CLEC2B: variants seen among roughly 807,000 people sequenced by gnomAD.
CLEC2B encodes C-type (calcium dependent, carbohydrate-recognition domain) lectin, superfamily member 2 (activation-induced).
CLEC2B carries 14 observed loss-of-function variants against 16.2 expected under a neutral mutation model. The observed-to-expected ratio is 0.86, with a 90% CI of 0.57 to 1.35. The LOEUF (loss-of-function observed/expected upper bound fraction) is 1.35. CLEC2B is among the 40% of genes most tolerant of loss of function. The pLI, the probability that CLEC2B is intolerant of heterozygous loss-of-function variation, is 0.00. For missense variants in CLEC2B, 166 were observed against 182.3 expected, an observed-to-expected ratio of 0.91 and a Z score of 0.52; for synonymous variants, 42 against 55.8, an observed-to-expected ratio of 0.75 and a Z score of 1.10.
chr12:9,861,818 T>G (rs1355597535), intron 2 of CLEC2B, among the ~76,000 whole-genome samples: 1 of 152,116 alleles, frequency 6.6e-6, no homozygotes, highest in African/African-American at 2.4e-5. Flanking sequence ...TGAACAATAT[T>G]TTGTGACATA....
At chr12:9,867,694 CT>C (rs1867982322) in intron 1 of CLEC2B, among the ~76,000 whole-genome samples, 1 of 152,078 alleles carries the variant, frequency 6.6e-6, no homozygotes, top group Non-Finnish European at 1.5e-5. Context: ...TTTGATGAGG[CT>C]ATGCTTAAAA....
intron 3 of CLEC2B, chr12:9,854,800 G>A (rs1303350937): frequency 1.7e-5 from 7 of 416,766 alleles, no homozygotes; most frequent in East Asian, 8.1e-5. Context: ...TTGAGCTCTC[G>A]CACAGCATTT....
At chr12:9,854,178 A>T (rs1867875102) in intron 4 of CLEC2B, among the ~76,000 whole-genome samples, 1 of 152,150 alleles carries the variant, frequency 6.6e-6, no homozygotes, top group African/African-American at 2.4e-5. Flanking sequence ...AAAATAGCCA[A>T]CTAGGAGATC....
chr12:9,854,372 T>C lies in CLEC2B; in HGVS notation c.341+9A>G. On this transcript the variant is annotated intron_variant, in intron 4 of 4. Transcript: ENST00000228438. Reference sequence around the variant, plus strand: ...AAATTTAAGTGATCCCAGAAAAAAATAAACTCACGATTTGGTAAATGTAGC... The same window carrying C: ...AAATTTAAGTGATCCCAGAAAAAAACAAACTCACGATTTGGTAAATGTAGC... 1 of 1,591,720 alleles carries C rather than the reference T, an allele frequency of 6.3e-7. No individual in the cohort carries two copies. Among genetic ancestry groups the C allele is most frequent in the Non-Finnish European group, 8.6e-7 (1 of 1,162,084 alleles).
At chr12:9,864,164 A>AC (rs1867953486) in intron 1 of CLEC2B, among the ~76,000 whole-genome samples, 1 of 3,260 alleles carries the variant, frequency 3.1e-4, no homozygotes, top group Admixed American at 0.013. Flanking sequence ...TTAAGTGCTG[A>AC]AAAAAAAAAA....
At chr12:9,857,177 C>G in intron 3 of CLEC2B, 1 of 209,124 alleles carries the variant, frequency 4.8e-6, no homozygotes. Flanking sequence ...GACAATTCTC[C>G]TTTCTTGGTG....
In CLEC2B at chr12:9,861,513, T is replaced by C. The variant is rs1867932670; in HGVS notation, c.73+986A>G. On this transcript the variant is annotated intron_variant, in intron 2 of 4. Coordinates refer to ENST00000228438, the MANE Select transcript of CLEC2B (RefSeq NM_005127.3). ...TTGGTAAAATACACTTAAGCTAATC[T>C]ATGCGTATTCTGTGCTTAATAATTC... 1.3e-5 allele frequency among the ~76,000 whole-genome samples: 2 copies of C among 152,160 alleles called. 1 individual carries two copies. The highest frequency in any genetic ancestry group is 4.8e-5 in the African/African-American group (2 of 41,450).
At chr12:9,860,242 C>T (rs1370464547) in intron 2 of CLEC2B, among the ~76,000 whole-genome samples, 1 of 151,394 alleles carries the variant, frequency 6.6e-6, no homozygotes, top group African/African-American at 2.4e-5. Flanking sequence ...TAAATTTTTA[C>T]ATAGAACTTG....
At chr12:9,857,706 TG>T in intron 2 of CLEC2B, 69 bp from the exon 3 acceptor site, 2 of 1,188,060 alleles carry the variant, frequency 1.7e-6, no homozygotes, top group Non-Finnish European at 2.4e-6. Context: ...TTGAGATCAC[TG>T]GACACAGGTT....
At chr12:9,868,740 C>A (rs1400426586) in intron 1 of CLEC2B, among the ~76,000 whole-genome samples, 1 of 152,068 alleles carries the variant, frequency 6.6e-6, no homozygotes, top group Non-Finnish European at 1.5e-5. Context: ...GGAGTACTAG[C>A]AATTCCTTAG....
At position 9,862,574 on chromosome 12, in the gene CLEC2B, C is replaced by T; in HGVS notation, c.-2-1G>A. On this transcript the variant is annotated splice_acceptor_variant, in intron 1 of 4. Transcript: ENST00000228438. LOFTEE classifies it low-confidence loss of function (5UTR_SPLICE). ...CACTTTTTATGTTTGGTCATCATAC[C>T]TGAAAAATAAAAATAAAGACATTTA... The T allele has an allele frequency of 6.8e-7, 1 of 1,468,068 alleles. No individual in the cohort carries two copies. Among genetic ancestry groups the T allele is most frequent in the Non-Finnish European group, 9.1e-7 (1 of 1,097,136 alleles). 90.9% of individuals were successfully genotyped at this position (1,468,068 alleles called of 1,614,324 possible). A position where few individuals can be genotyped will look rare whatever the true frequency, so the allele number is the denominator to read the frequency against.
chr12:9,861,028 G>A (rs1867929017), intron 2 of CLEC2B, among the ~76,000 whole-genome samples: 1 of 151,922 alleles, frequency 6.6e-6, no homozygotes, highest in Non-Finnish European at 1.5e-5. Context: ...TGTCTTTGAA[G>A]TAAAGTGAAT....
intron 2 of CLEC2B, 67 bp from the exon 3 acceptor site, chr12:9,857,704 AC>A: frequency 8.2e-7 from 1 of 1,217,666 alleles, no homozygotes; most frequent in South Asian, 1.3e-5. Flanking sequence ...TTTTGAGATC[AC>A]TGGACACAGG....
At chr12:9,861,962 A>G (rs895617813) in intron 2 of CLEC2B, among the ~76,000 whole-genome samples, 3 of 152,074 alleles carry the variant, frequency 2.0e-5, no homozygotes, top group African/African-American at 7.2e-5. Context: ...TGGCTAACAA[A>G]GCATAAAATA....
intron 3 of CLEC2B, 159 bp downstream of exon 3, chr12:9,857,314 TA>T: frequency 1.7e-6 from 1 of 603,478 alleles, no homozygotes; most frequent in Non-Finnish European, 2.9e-6. Context: ...AAAGCATCAC[TA>T]GGTGTTTCAC....
At chr12:9,854,542 G>C in intron 3 of CLEC2B, 58 bp from the exon 4 acceptor site, 1 of 1,104,902 alleles carries the variant, frequency 9.1e-7, no homozygotes, top group South Asian at 1.2e-5. Flanking sequence ...ACAACCTACT[G>C]TGTACCTCTT....
Position 9,857,480 on chromosome 12 carries a change from T to G in CLEC2B, c.231A>C (p.Glu77Asp), listed in dbSNP as rs747546569. 4 of 1,605,172 alleles carry G rather than the reference T, an allele frequency of 2.5e-6. No homozygotes were observed. The highest frequency in any genetic ancestry group is 2.2e-5 in the East Asian group (1 of 44,686). ...TGTATATTAAATTACTTACCATTTC[T>G]TCTATGTTGTCAATTATAGTTAGGT... ...HADLTIIDNIEEMNFLRRYKC... is the reference protein window; with the variant it reads ...HADLTIIDNIDEMNFLRRYKC... Residue 77 changes from glutamate (E) to aspartate (D), a missense_variant, in exon 3 of 5, where the codon GAA (glutamate) becomes GAC (aspartate). Transcript: ENST00000228438.
chr12:9,867,486 A>G (rs1867979543), intron 1 of CLEC2B, among the ~76,000 whole-genome samples: 1 of 152,144 alleles, frequency 6.6e-6, no homozygotes, highest in Non-Finnish European at 1.5e-5. Context: ...TTAATTTCCC[A>G]GAATCTTTTC....
At chr12:9,866,914 G>C (rs1342181319) in intron 1 of CLEC2B, 3 of 152,164 alleles carry the variant, frequency 2.0e-5, no homozygotes, top group Admixed American at 1.3e-4. Context: ...TGCAGATACA[G>C]CGGAAAATAG....
Sources: gnomAD v4.1 joint callset for allele counts (sites outside exome capture counted in the v4.1 genomes callset) on GRCh38, gnomAD v4.1.1 for gene constraint, MANE v1.5 for transcripts, NCBI Gene and HGNC (gene_info 2026-07-23, HGNC 2026-07-21) for gene names.